The following TOX variants were observed in gnomAD, a reference collection of about 807,000 sequenced individuals.
The protein encoded by TOX is thymocyte selection-associated high mobility group box protein TOX.
In TOX, 11 loss-of-function variants were observed where a neutral mutation model predicts 53.7. The ratio of observed to expected loss-of-function variants is 0.20; its 90% confidence interval spans 0.13 to 0.34. The LOEUF is 0.34. Among genes scored for constraint, TOX ranks in the 10% least tolerant of loss-of-function variants. The pLI is 1.00. For synonymous variants in TOX, 225 were observed against 245.3 expected, an observed-to-expected ratio of 0.92 and a Z score of 0.77; for missense variants, 570 against 664.6, an observed-to-expected ratio of 0.86 and a Z score of 1.56.
intron 1 of TOX, among the ~76,000 whole-genome samples, chr8:59,084,452 A>G (rs1321757425): frequency 1.3e-5 from 2 of 152,188 alleles, no homozygotes; most frequent in Non-Finnish European, 2.9e-5. Flanking sequence ...AAATACACCT[A>G]TCCATGCAAA....
At chr8:58,875,848 T>C (rs1233159385) in intron 3 of TOX, among the ~76,000 whole-genome samples, 1 of 152,178 alleles carries the variant, frequency 6.6e-6, no homozygotes, top group Non-Finnish European at 1.5e-5. Flanking sequence ...TGTGACCAGA[T>C]GATTCCTGAG....
chr8:58,967,924 A>G (rs1360813264), intron 1 of TOX, among the ~76,000 whole-genome samples: 1 of 152,228 alleles, frequency 6.6e-6, no homozygotes, highest in Admixed American at 6.5e-5. Flanking sequence ...CAACACTCTT[A>G]ACTGCAATGC....
intron 3 of TOX, among the ~76,000 whole-genome samples, chr8:58,862,444 T>A (rs1326471304): frequency 3.9e-5 from 6 of 152,146 alleles, no homozygotes; most frequent in Admixed American, 3.9e-4. Context: ...GGTCAAGGTC[T>A]CAAAACTAAT....
chr8:58,822,486 G>A (rs1810298448), intron 6 of TOX, among the ~76,000 whole-genome samples: 1 of 152,216 alleles, frequency 6.6e-6, no homozygotes, highest in South Asian at 2.1e-4. Flanking sequence ...TGCTTGTACA[G>A]CAGGAGTGAC....
chr8:58,915,799 T>G (rs939787650), intron 3 of TOX, among the ~76,000 whole-genome samples: 8 of 150,494 alleles, frequency 5.3e-5, no homozygotes, highest in Admixed American at 2.6e-4. Context: ...AGTTGGAAAC[T>G]TTGAAAAAAA....
chr8:59,034,825 C>T (rs568888803), intron 1 of TOX, among the ~76,000 whole-genome samples: 1 of 152,306 alleles, frequency 6.6e-6, no homozygotes, highest in Non-Finnish European at 1.5e-5. Flanking sequence ...CATTCAAAGG[C>T]CTTGCAAAGA....
Position 59,118,814 on chromosome 8 carries a change from G to T in TOX, c.102+72C>A. 2 of 1,273,670 alleles carry T rather than the reference G, an allele frequency of 1.6e-6. No homozygotes were observed. Among genetic ancestry groups the T allele is most frequent in the South Asian group, 1.5e-5 (1 of 68,834 alleles). 78.9% of individuals were successfully genotyped at this position (1,273,670 alleles called of 1,614,324 possible). On this transcript the variant is annotated intron_variant, in intron 1 of 8. Transcript: ENST00000361421. The surrounding 1 kb of genome is among the most constrained non-coding windows in gnomAD (Gnocchi z 4.1). Reference sequence around the variant, plus strand: ...CCTCCGCCAAGCCGGCCCCGCCGCGGCCCGGCCACCGCCGCTCCCCTCCCA... The same window carrying T: ...CCTCCGCCAAGCCGGCCCCGCCGCGTCCCGGCCACCGCCGCTCCCCTCCCA...
Position 58,815,668 on chromosome 8 carries a change from C to T in TOX, c.1062G>A (p.Ser354=), listed in dbSNP as rs201668109. Residue 354 remains serine, a synonymous_variant, in exon 7 of 9, where the codon TCG becomes TCA. Transcript: ENST00000361421. The part of the protein sequence containing the change: ...KTSQPPQLIN[S]KPSVFHGPSQ... ...TGGGCCCATGGAACACCGACGGCTT[C>T]GAATTGATCAGCTGAGGAGGTTGAG... The T allele has an allele frequency of 2.6e-5, 42 of 1,613,856 alleles. 1 individual carries two copies. The highest frequency in any genetic ancestry group is 1.6e-4 in the Middle Eastern group (1 of 6,078).
At chr8:58,992,075 T>C (rs760420224) in intron 1 of TOX, 3 of 152,266 alleles carry the variant, frequency 2.0e-5, no homozygotes, top group African/African-American at 2.4e-5. Context: ...AGGCTATCTG[T>C]CTCTGCTGCA....
At position 59,044,269 on chromosome 8, in the gene TOX, T is replaced by C. The variant is rs1803647998; in HGVS notation, c.102+74617A>G. On this transcript the variant is annotated intron_variant, in intron 1 of 8. Transcript: ENST00000361421. ...AAAGGTGGACGACAGCCACCAACACTGTGTGAAGCAACAGCTCTGCCAAAA... is the reference window on the plus strand; with the variant it reads ...AAAGGTGGACGACAGCCACCAACACCGTGTGAAGCAACAGCTCTGCCAAAA... Among the ~76,000 whole-genome samples, 5 of 148,132 alleles carry C rather than the reference T, an allele frequency of 3.4e-5. No individual in the cohort carries two copies. The South Asian group carries it at 1.1e-3, about 32-fold the overall frequency.
intron 4 of TOX, 134 bp from the exon 5 acceptor site, chr8:58,838,445 T>C (rs1205119501): frequency 1.6e-5 from 11 of 690,698 alleles, no homozygotes; most frequent in Non-Finnish European, 2.6e-5. Flanking sequence ...AAGGGACACA[T>C]TGTTTTGTTA....
intron 1 of TOX, among the ~76,000 whole-genome samples, chr8:59,113,390 T>C (rs1222183389): frequency 2.0e-5 from 3 of 152,118 alleles, no homozygotes; most frequent in Admixed American, 1.3e-4. Context: ...TAGTACAATA[T>C]TGTATAACTC....
intron 3 of TOX, among the ~76,000 whole-genome samples, chr8:58,928,590 A>G (rs948338150): frequency 6.6e-6 from 1 of 152,178 alleles, no homozygotes; most frequent in African/African-American, 2.4e-5. Flanking sequence ...TAGTTACGTG[A>G]TCATAGCCTA....
In TOX at chr8:58,815,401, C is replaced by G; in HGVS notation, c.1329G>C (p.Gln443His). ...MQQHQPLTMQ[Q>H]PLGNQLPMQV... Reference sequence around the variant, plus strand: ...GCATGGGGAGCTGGTTCCCAAGGGGCTGCTGCATGGTGAGCGGCTGGTGCT... The same window carrying G: ...GCATGGGGAGCTGGTTCCCAAGGGGGTGCTGCATGGTGAGCGGCTGGTGCT... Residue 443 changes from glutamine (Q) to histidine (H), a missense_variant, in exon 7 of 9, where the codon CAG becomes CAC. Coordinates refer to ENST00000361421, the MANE Select transcript of TOX (RefSeq NM_014729.3). 4.3e-6 allele frequency: 7 copies of G among 1,613,510 alleles called. No homozygotes were observed. Among genetic ancestry groups the G allele is most frequent in the Non-Finnish European group, 5.9e-6 (7 of 1,179,754 alleles).
At chr8:58,915,152 C>A (rs375764849) in intron 3 of TOX, among the ~76,000 whole-genome samples, 80 of 150,888 alleles carry the variant, frequency 5.3e-4, no homozygotes, top group Non-Finnish European at 8.8e-4. Context: ...CCCAGGCTTG[C>A]TTAGGTAAAC....
At chr8:58,892,381 C>T (rs548526093) in intron 3 of TOX, among the ~76,000 whole-genome samples, 2 of 152,144 alleles carry the variant, frequency 1.3e-5, no homozygotes, top group Non-Finnish European at 2.9e-5. Context: ...ACTGCCTTTC[C>T]TGGTGGCTTT....
intron 7 of TOX, among the ~76,000 whole-genome samples, chr8:58,809,086 G>A (rs962028290): frequency 3.9e-5 from 6 of 152,116 alleles, no homozygotes; most frequent in Non-Finnish European, 8.8e-5. Flanking sequence ...TAAACAAAAA[G>A]CATTCTATAC....
chr8:58,904,001 C>G (rs1811771787), intron 3 of TOX, among the ~76,000 whole-genome samples: 1 of 152,046 alleles, frequency 6.6e-6, no homozygotes, highest in South Asian at 2.1e-4. Flanking sequence ...TAAAATGAAC[C>G]ACACAAGTAC....
intron 1 of TOX, among the ~76,000 whole-genome samples, chr8:59,092,273 A>AT (rs1804625605): frequency 2.6e-5 from 3 of 113,748 alleles, no homozygotes; most frequent in African/African-American, 5.5e-5. Flanking sequence ...TTTTATATAT[A>AT]TATATATATT....
Sources: gnomAD v4.1 joint callset for allele counts (sites outside exome capture counted in the v4.1 genomes callset) on GRCh38, gnomAD v4.1.1 for gene constraint, Gnocchi (gnomAD v3.1) non-coding constraint, MANE v1.5 for transcripts, NCBI Gene and HGNC (gene_info 2026-07-23, HGNC 2026-07-21) for gene names.